The following RFX6 variants were observed in gnomAD, a reference collection of about 807,000 sequenced individuals.
The protein encoded by RFX6 is regulatory factor X6.
Under a neutral mutation model 110.8 loss-of-function variants are expected in RFX6, and 50 were observed. The observed-to-expected ratio is 0.45, with a 90% CI of 0.36 to 0.57. The LOEUF (loss-of-function observed/expected upper bound fraction) is 0.57, where lower values mean the gene tolerates loss of function less well. RFX6 is among the 20% of genes least tolerant of loss of function. The pLI is 0.00. For synonymous variants in RFX6, 383 were observed against 411.2 expected (o/e 0.93, Z 0.83); for missense variants, 990 against 1,127.0 (o/e 0.88, Z 1.74).
At chr6:116,917,659 C>CACACTTCTCCCTTTAAGTG (rs1775497082) in intron 9 of RFX6, among the ~76,000 whole-genome samples, 1 of 152,110 alleles carries the variant, frequency 6.6e-6, no homozygotes, top group African/African-American at 2.4e-5. Flanking sequence ...TTCTCCTCCT[C>CACACTTCTCCCTTTAAGTG]ATGGTGGACC....
chr6:116,916,347 A>G, intron 9 of RFX6, 33 bp downstream of exon 9: 1 of 1,241,078 alleles, frequency 8.1e-7, no homozygotes, highest in East Asian at 2.3e-5. Context: ...AACATGAGCC[A>G]TTTATTTCTT....
chr6:116,907,158 A>G (rs893274626), intron 6 of RFX6, among the ~76,000 whole-genome samples: 1 of 152,032 alleles, frequency 6.6e-6, no homozygotes, highest in African/African-American at 2.4e-5. Flanking sequence ...GATGTAACAC[A>G]TTTATTGATT....
At chr6:116,877,532 G>T in intron 1 of RFX6, 34 bp downstream of exon 1, 1 of 1,482,352 alleles carries the variant, frequency 6.7e-7, no homozygotes, top group Non-Finnish European at 9.1e-7. Context: ...GCTGGGAAGG[G>T]GACGGGGACG....
intron 6 of RFX6, among the ~76,000 whole-genome samples, chr6:116,895,858 A>G (rs1304753264): frequency 6.6e-6 from 1 of 152,182 alleles, no homozygotes; most frequent in East Asian, 1.9e-4. Flanking sequence ...GCACATGACA[A>G]TGTGTTGTGT....
chr6:116,886,665 C>A (rs926477484), intron 4 of RFX6, among the ~76,000 whole-genome samples: 1 of 152,114 alleles, frequency 6.6e-6, no homozygotes, highest in Admixed American at 6.5e-5. Context: ...CTACTTCTTT[C>A]CCTCACTGAA....
intron 18 of RFX6, among the ~76,000 whole-genome samples, chr6:116,930,413 A>G (rs1399388664): frequency 6.6e-6 from 1 of 152,208 alleles, no homozygotes; most frequent in Non-Finnish European, 1.5e-5. Flanking sequence ...ATGTGAGGAT[A>G]TGGTGGTGAT....
chr6:116,880,480 C>G, intron 2 of RFX6, 64 bp from the exon 3 acceptor site: 1 of 1,493,678 alleles, frequency 6.7e-7, no homozygotes, highest in Non-Finnish European at 9.2e-7. Context: ...GGTAATAAGT[C>G]AATGAGAAAG....
At chr6:116,910,883 G>T in intron 6 of RFX6, 52 bp from the exon 7 acceptor site, 1 of 1,161,196 alleles carries the variant, frequency 8.6e-7, no homozygotes. Context: ...ATAGTACTTT[G>T]GAAGCATATA....
rs769409570 is a variant in RFX6, at chr6:116,880,607, C to T, written c.444C>T (p.His148=). Residue 148 remains histidine, a synonymous_variant, in exon 3 of 19, where the codon CAC becomes CAT. Transcript: ENST00000332958. ...VCLPRCILYA[H]YLDFCRKEKL... Reference sequence around the variant, plus strand: ...TACCACGGTGCATTCTTTATGCACACTACTTAGATTTCTGTAGGAAAGAGA... The same window carrying T: ...TACCACGGTGCATTCTTTATGCACATTACTTAGATTTCTGTAGGAAAGAGA... The T allele has an allele frequency of 3.7e-6, 6 of 1,612,646 alleles. No homozygotes were observed. The Admixed American group carries it at 1.0e-4, about 27-fold the overall frequency.
In RFX6 at chr6:116,927,438, C is replaced by T. The variant is rs1562149213; in HGVS notation, c.2297C>T (p.Ser766Leu). The T allele has an allele frequency of 6.2e-7, 1 of 1,614,160 alleles. No homozygotes were observed. Among genetic ancestry groups the T allele is most frequent in the African/African-American group, 1.3e-5 (1 of 75,052 alleles). ...GGCCCATCCCTGCAAGCCCAGGATT[C>T]ACACAATATGCAGTTTTTAAATACA... ...SYGPSLQAQD[S>L]HNMQFLNTGS... Residue 766 changes from serine (S) to leucine (L), a missense_variant, in exon 17 of 19, where the codon TCA becomes TTA. Ser to Leu is a moderately radical substitution (Grantham distance 145). Coordinates refer to ENST00000332958, the MANE Select transcript of RFX6 (RefSeq NM_173560.4).
In RFX6 at chr6:116,927,058, T is replaced by C; in HGVS notation, c.1917T>C (p.His639=). The C allele has an allele frequency of 6.2e-7, 1 of 1,614,122 alleles. No individual in the cohort carries two copies. Among genetic ancestry groups the C allele is most frequent in the Non-Finnish European group, 8.5e-7 (1 of 1,179,958 alleles). ...TGGAGCTTTCACAGATTGCTGGTCA[T>C]CTGATGACACCACCCATTTCTCCAG... is the stretch of plus-strand genomic sequence containing the variant. ...GQMELSQIAG[H]LMTPPISPAM... is the part of the protein sequence containing the mutation. Residue 639 remains histidine (H), a synonymous_variant, in exon 17 of 19, where the codon CAT becomes CAC. Transcript: ENST00000332958.
At chr6:116,891,336 A>G (rs2114670437) in intron 4 of RFX6, among the ~76,000 whole-genome samples, 1 of 152,324 alleles carries the variant, frequency 6.6e-6, no homozygotes, top group South Asian at 2.1e-4. Context: ...TTTGTTCTCA[A>G]TCTGCATGGC....
intron 4 of RFX6, among the ~76,000 whole-genome samples, chr6:116,889,908 T>A (rs1774783276): frequency 6.6e-6 from 1 of 152,126 alleles, no homozygotes; most frequent in Admixed American, 6.6e-5. Flanking sequence ...GTTTATTAAT[T>A]TCCTATTACA....
At chr6:116,924,002 A>G (rs889963159) in intron 14 of RFX6, among the ~76,000 whole-genome samples, 1 of 152,234 alleles carries the variant, frequency 6.6e-6, no homozygotes, top group African/African-American at 2.4e-5. Flanking sequence ...TTTGTATTGA[A>G]GAATAAACAA....
chr6:116,919,224 CAAGAA>C lies in RFX6; in HGVS notation c.1113_1117del (p.Lys371AsnfsTer30). On this transcript the variant is annotated frameshift_variant, in exon 11 of 19. Coordinates refer to ENST00000332958, the MANE Select transcript of RFX6 (RefSeq NM_173560.4). LOFTEE classifies it high-confidence loss of function. ...AAAACTTGCCAGAAGCTCTAACTGA[CAAGAA>C]AATACCTATTGTGCGAAGATTTGTA... is the stretch of plus-strand genomic sequence containing the variant. 1 of 1,613,402 alleles carries C rather than the reference CAAGAA, an allele frequency of 6.2e-7. No homozygotes were observed. Among genetic ancestry groups the C allele is most frequent in the Non-Finnish European group, 8.5e-7 (1 of 1,179,460 alleles).
intron 9 of RFX6, 102 bp from the exon 10 acceptor site, chr6:116,917,935 A>G (rs1775503688): frequency 1.3e-6 from 1 of 792,590 alleles, no homozygotes; most frequent in Non-Finnish European, 2.2e-6. Context: ...TTAACATGTT[A>G]TTCTCTAGGA....
Position 116,920,312 on chromosome 6 carries a change from T to G in RFX6, c.1185T>G (p.Ile395Met), listed in dbSNP as rs773079045. 1 of 1,610,922 alleles carries G rather than the reference T, an allele frequency of 6.2e-7. No individual in the cohort carries two copies. Among genetic ancestry groups the G allele is most frequent in the Admixed American group, 1.7e-5 (1 of 60,008 alleles). The stretch of plus-strand genomic sequence containing the variant: ...TCTTCTTTACTTTCTCTATGCAGAT[T>G]GCCAGACCAGCTCTCTTTGACCAGC... The part of the protein sequence containing the change: ...RQTSFLHLAQ[I>M]ARPALFDQHV... The change falls in exon 12 of 19, where the codon ATT (isoleucine) becomes ATG (methionine). Residue 395 changes from isoleucine (I) to methionine (M), a missense_variant and splice_region_variant. Ile to Met is a conservative substitution (Grantham distance 10, BLOSUM62 1). This residue lies in a region of RFX6 where 243 missense variants were observed against 353.1 expected (regional missense o/e 0.69). Coordinates refer to ENST00000332958, the MANE Select transcript of RFX6 (RefSeq NM_173560.4).
chr6:116,922,702 CTT>C (rs768262988), intron 13 of RFX6, among the ~76,000 whole-genome samples: 2 of 152,180 alleles, frequency 1.3e-5, no homozygotes. Flanking sequence ...AGTTTGGAGA[CTT>C]TTTTCCTTCT....
intron 4 of RFX6, among the ~76,000 whole-genome samples, chr6:116,885,485 T>A (rs1774681932): frequency 6.6e-6 from 1 of 152,168 alleles, no homozygotes; most frequent in Admixed American, 6.5e-5. Context: ...AAGATAGGAA[T>A]TACTGTATTA....
Sources: gnomAD v4.1 joint callset for allele counts (sites outside exome capture counted in the v4.1 genomes callset) on GRCh38, gnomAD v4.1.1 for gene constraint, gnomAD v4.1.1 regional missense constraint, MANE v1.5 for transcripts, NCBI Gene and HGNC (gene_info 2026-07-23, HGNC 2026-07-21) for gene names.